Variants in JAZF1 observed in about 807,000 individuals in gnomAD.
JAZF1 encodes juxtaposed with another zinc finger protein 1.
In JAZF1, 8 loss-of-function variants were observed where a neutral mutation model predicts 26.4. The observed-to-expected ratio is 0.30, with a 90% CI of 0.18 to 0.55. The LOEUF (loss-of-function observed/expected upper bound fraction) is 0.55, where lower values mean the gene tolerates loss of function less well. Ranked by LOEUF, JAZF1 falls within the 20% of genes least tolerant of loss-of-function variation. JAZF1 has a pLI of 0.94. For missense variants in JAZF1, 199 were observed against 322.0 expected (o/e 0.62, Z 2.92); for synonymous variants, 126 against 122.3 (o/e 1.03, Z -0.20).
At chr7:27,847,355 C>T (rs1783050956) in intron 3 of JAZF1, among the ~76,000 whole-genome samples, 1 of 151,976 alleles carries the variant, frequency 6.6e-6, no homozygotes, top group South Asian at 2.1e-4. Context: ...CCAAAAAATT[C>T]ATTGACAAGG....
Position 27,845,711 on chromosome 7 carries a change from A to AAAAAGAAAG in JAZF1, c.386-4845_386-4844insCTTTCTTTT, listed in dbSNP as rs1554328474. Among the ~76,000 whole-genome samples the AAAAAGAAAG allele has an allele frequency of 2.5e-4, 34 of 137,702 alleles. 1 individual carries two copies. Among genetic ancestry groups the AAAAAGAAAG allele is most frequent in the African/African-American group, 7.9e-4 (28 of 35,472 alleles). The allele number at this position is 137,702 out of a possible 152,430, so 90.3% of individuals were successfully genotyped here. On this transcript the variant is annotated intron_variant, in intron 3 of 4. Coordinates refer to ENST00000283928, the MANE Select transcript of JAZF1 (RefSeq NM_175061.4). ...GACTCTGCCTCAAAAAAAAAAAAAA[A>AAAAAGAAAG]AAAGAAAAGAAAAAGAAAAAGAAAT...
intron 1 of JAZF1, among the ~76,000 whole-genome samples, chr7:28,080,402 G>A (rs1784115786): frequency 6.6e-6 from 1 of 152,196 alleles, no homozygotes; most frequent in South Asian, 2.1e-4. Flanking sequence ...TCATTCATGT[G>A]TTCACTGGAG....
chr7:27,907,538 T>G lies in JAZF1; in HGVS notation c.189-12122A>C, dbSNP rs146464476. 2.2e-3 allele frequency among the ~76,000 whole-genome samples: 330 copies of G among 152,322 alleles called. 4 individuals carry two copies. The highest frequency in any genetic ancestry group is 7.3e-3 in the African/African-American group (305 of 41,590). ...CCATTTCCAAAGAAAAGTGCTTCTCTGATGTTGCATGGCCTTATCCTTAGG... is the reference window on the plus strand; with the variant it reads ...CCATTTCCAAAGAAAAGTGCTTCTCGGATGTTGCATGGCCTTATCCTTAGG... On this transcript the variant is annotated intron_variant, in intron 2 of 4. Transcript: ENST00000283928.
intron 3 of JAZF1, among the ~76,000 whole-genome samples, chr7:27,845,384 G>A (rs902273809): frequency 6.6e-6 from 1 of 152,152 alleles, no homozygotes; most frequent in Non-Finnish European, 1.5e-5. Context: ...TGAATCCCAC[G>A]CTCATCTTGG....
At chr7:27,833,807 G>A (rs746549808) in intron 4 of JAZF1, among the ~76,000 whole-genome samples, 1 of 152,160 alleles carries the variant, frequency 6.6e-6, no homozygotes, top group Non-Finnish European at 1.5e-5. Flanking sequence ...CGTATTCTAT[G>A]TAAGAGTCAC....
rs952421782 is a variant in JAZF1, at chr7:27,843,926, G to C, written c.386-3059C>G. The C allele has an allele frequency of 2.6e-5, 4 of 152,364 alleles. No individual in the cohort carries two copies. The South Asian group carries it at 8.3e-4, about 32-fold the overall frequency. 9.4% of individuals were successfully genotyped at this position (152,364 alleles called of 1,614,324 possible). Reference sequence around the variant, plus strand: ...AGAAAATAAACAAAATGCTATGTGAGCTGTTTATCTCATTTACTGTTGCCT... The same window carrying C: ...AGAAAATAAACAAAATGCTATGTGACCTGTTTATCTCATTTACTGTTGCCT... On this transcript the variant is annotated intron_variant, in intron 3 of 4. Transcript: ENST00000283928.
intron 1 of JAZF1, among the ~76,000 whole-genome samples, chr7:28,136,651 A>G (rs1562599366): frequency 6.6e-6 from 1 of 152,238 alleles, no homozygotes; most frequent in East Asian, 1.9e-4. Flanking sequence ...ACACACCACA[A>G]TTTCAGAGAT....
chr7:28,044,642 AT>A (rs1213881220), intron 1 of JAZF1, among the ~76,000 whole-genome samples: 1 of 152,134 alleles, frequency 6.6e-6, no homozygotes, highest in African/African-American at 2.4e-5. Context: ...CACAAAATGT[AT>A]TTTTCTTTAG....
At chr7:28,138,024 T>G (rs1178690335) in intron 1 of JAZF1, among the ~76,000 whole-genome samples, 1 of 152,188 alleles carries the variant, frequency 6.6e-6, no homozygotes, top group Admixed American at 6.5e-5. Context: ...ATAATCTCAC[T>G]CAGAGCCCTT....
At chr7:28,147,002 G>A (rs1012343300) in intron 1 of JAZF1, among the ~76,000 whole-genome samples, 3 of 151,226 alleles carry the variant, frequency 2.0e-5, no homozygotes, top group Admixed American at 6.6e-5. Flanking sequence ...GATTACAGGC[G>A]CCCGCCACTA....
At chr7:28,080,729 T>C (rs1374448754) in intron 1 of JAZF1, among the ~76,000 whole-genome samples, 1 of 152,142 alleles carries the variant, frequency 6.6e-6, no homozygotes, top group Non-Finnish European at 1.5e-5. Flanking sequence ...AAAACATTTA[T>C]TGATTAAGTT....
At chr7:27,877,647 C>T (rs139927917) in intron 3 of JAZF1, among the ~76,000 whole-genome samples, 26 of 152,272 alleles carry the variant, frequency 1.7e-4, no homozygotes, top group East Asian at 9.7e-4. Flanking sequence ...CCTGTGCTCC[C>T]GAGTCTCATA....
chr7:27,859,591 C>T (rs1490879629), intron 3 of JAZF1, among the ~76,000 whole-genome samples: 1 of 152,156 alleles, frequency 6.6e-6, no homozygotes, highest in Non-Finnish European at 1.5e-5. Flanking sequence ...AAGCCAGAAA[C>T]TATCATTCTC....
intron 1 of JAZF1, among the ~76,000 whole-genome samples, chr7:28,019,851 A>ATCCAGGCTATGCCACTAGTT (rs1185061661): frequency 3.7e-4 from 56 of 152,220 alleles, no homozygotes; most frequent in African/African-American, 1.3e-3. Context: ...CGGACTCCAA[A>ATCCAGGCTATGCCACTAGTT]TCCAGGCTAT....
intron 1 of JAZF1, among the ~76,000 whole-genome samples, chr7:28,110,567 A>G (rs11761045): frequency 0.61 from 61,884 of 100,702 alleles, 21,337 homozygotes; most frequent in Non-Finnish European, 0.71. Flanking sequence ...AAGGGAAAGG[A>G]AAAGGGAAAG....
chr7:28,153,609 A>G (rs373190770), intron 1 of JAZF1, among the ~76,000 whole-genome samples: 1 of 152,278 alleles, frequency 6.6e-6, no homozygotes, highest in African/African-American at 2.4e-5. Context: ...TACTGAACAA[A>G]CCTATTCCCT....
intron 2 of JAZF1, among the ~76,000 whole-genome samples, chr7:27,900,231 A>C (rs1392787815): frequency 6.6e-6 from 1 of 152,186 alleles, no homozygotes; most frequent in Non-Finnish European, 1.5e-5. Context: ...AGCTGACTTA[A>C]ATTTTCAGGG....
Position 28,088,295 on chromosome 7 carries a change from C to A in JAZF1, c.115+92168G>T, listed in dbSNP as rs112966277. ...CTACATTTTTCTGCAAGTCTCTCTT[C>A]CGCATTGCTAAATCCTTTCTGGATT... On this transcript the variant is annotated intron_variant, in intron 1 of 4. Coordinates refer to ENST00000283928, the MANE Select transcript of JAZF1 (RefSeq NM_175061.4). Among the ~76,000 whole-genome samples, 1,093 of 152,362 alleles carry A rather than the reference C, an allele frequency of 7.2e-3. 6 individuals are homozygous for A. Among genetic ancestry groups the A allele is most frequent in the Non-Finnish European group, 0.013 (862 of 68,026 alleles).
chr7:28,145,584 A>G (rs1276536275), intron 1 of JAZF1, among the ~76,000 whole-genome samples: 1 of 152,198 alleles, frequency 6.6e-6, no homozygotes, highest in African/African-American at 2.4e-5. Flanking sequence ...GAGCACAGAA[A>G]GTGACTGGAA....
Sources: gnomAD v4.1 joint callset for allele counts (sites outside exome capture counted in the v4.1 genomes callset) on GRCh38, gnomAD v4.1.1 for gene constraint, MANE v1.5 for transcripts, NCBI Gene and HGNC (gene_info 2026-07-23, HGNC 2026-07-21) for gene names.